PCSK5: variants seen among roughly 807,000 people sequenced by gnomAD.
PCSK5 encodes the protein proprotein convertase subtilisin/kexin type 5, also known as prohormone convertase 5.
Under a neutral mutation model 233.2 loss-of-function variants are expected in PCSK5, and 129 were observed. The ratio of observed to expected loss-of-function variants is 0.55; its 90% CI spans 0.48 to 0.64. The LOEUF is 0.64. Ranked by LOEUF, PCSK5 falls within the 30% of genes least tolerant of loss-of-function variation. PCSK5 has a pLI of 0.00. For synonymous variants in PCSK5, 825 were observed against 879.2 expected (o/e 0.94, Z 1.09); for missense variants, 2,076 against 2,430.1 (o/e 0.85, Z 3.06).
In PCSK5 at chr9:76,179,671, A is replaced by G; in HGVS notation, c.1976A>G (p.Tyr659Cys). Residue 659 changes from tyrosine to cysteine, a missense_variant, in exon 15 of 38, where the codon TAC (tyrosine) becomes TGC (cysteine). By Grantham distance (194) the Tyr-to-Cys change is radical. Coordinates refer to ENST00000674117, the MANE Select transcript of PCSK5 (RefSeq NM_001372043.1). ...GACCACTGCAATGACTGTTTGCACT[A>G]CTACTACAAGCTGAAAAACAATACC... ...GPDHCNDCLH[Y>C]YYKLKNNTRI... 3 of 1,612,574 alleles carry G rather than the reference A, an allele frequency of 1.9e-6. No individual in the cohort carries two copies. The highest frequency in any genetic ancestry group is 2.5e-6 in the Non-Finnish European group (3 of 1,178,700).
intron 2 of PCSK5, among the ~76,000 whole-genome samples, chr9:75,952,654 A>G (rs1824916505): frequency 6.6e-6 from 1 of 152,016 alleles, no homozygotes; most frequent in South Asian, 2.1e-4. Context: ...GCCACCATTG[A>G]TCTGCTTTCC....
intron 7 of PCSK5, among the ~76,000 whole-genome samples, chr9:76,083,474 A>G (rs1028003748): frequency 1.3e-5 from 2 of 152,212 alleles, no homozygotes; most frequent in African/African-American, 2.4e-5. Context: ...GCCATTGTCA[A>G]GGATGGTCAA....
chr9:76,211,039 T>G (rs3913045), intron 20 of PCSK5, among the ~76,000 whole-genome samples: 148,569 of 152,270 alleles, frequency 0.98, 72,511 homozygotes, highest in East Asian at 1. Flanking sequence ...AACATGGTAA[T>G]TTGGAGATAC....
intron 24 of PCSK5, among the ~76,000 whole-genome samples, chr9:76,242,190 A>G (rs1826450929): frequency 2.0e-5 from 3 of 152,192 alleles, no homozygotes; most frequent in African/African-American, 7.2e-5. Flanking sequence ...TAACTGGTAT[A>G]TCATCACCTC....
chr9:76,350,972 G>T (rs756327), intron 36 of PCSK5, 44 bp downstream of exon 36: 1 of 950,424 alleles, frequency 1.1e-6, no homozygotes, highest in East Asian at 2.5e-5. Flanking sequence ...CTTTCTAGAG[G>T]GAAACATGAG....
chr9:76,355,410 T>C (rs1830275666), intron 37 of PCSK5, among the ~76,000 whole-genome samples: 1 of 151,660 alleles, frequency 6.6e-6, no homozygotes, highest in South Asian at 2.1e-4. Context: ...GAGGCAGAGC[T>C]CGCAGTGAGC....
At chr9:75,943,493 T>C (rs1824414007) in intron 2 of PCSK5, among the ~76,000 whole-genome samples, 1 of 152,092 alleles carries the variant, frequency 6.6e-6, no homozygotes, top group Admixed American at 6.5e-5. Context: ...AGAAATCTAA[T>C]TGAAACACCA....
intron 7 of PCSK5, among the ~76,000 whole-genome samples, chr9:76,091,312 T>TGAGAGA (rs71992221): frequency 1.2e-4 from 18 of 150,142 alleles, no homozygotes; most frequent in Admixed American, 2.7e-4. Flanking sequence ...GCCTACAATC[T>TGAGAGA]GAGAGAGAGA....
chr9:76,096,283 G>A (rs1831511689), intron 8 of PCSK5, among the ~76,000 whole-genome samples, 181 bp downstream of exon 8: 1 of 152,126 alleles, frequency 6.6e-6, no homozygotes, highest in Admixed American at 6.5e-5. Flanking sequence ...ATTACCAATT[G>A]AAAATGCTTG....
At chr9:76,193,613 G>A (rs539383037) in intron 20 of PCSK5, 190 of 351,256 alleles carry the variant, frequency 5.4e-4, no homozygotes, top group African/African-American at 3.7e-3. Context: ...CAGAACCACA[G>A]AGACAGTATT....
At position 76,295,411 on chromosome 9, in the gene PCSK5, G is replaced by C; in HGVS notation, c.3322G>C (p.Gly1108Arg). ...GTGTGAAGAGGGCTTCTTTCTCTTA[G>C]GTAAGTTAGAAAATGGCACCATCCA... Reference protein sequence around the residue: ...YWCEEGFFLLGGSCVRKCGPG... With the variant: ...YWCEEGFFLLRGSCVRKCGPG... Residue 1108 changes from glycine (G) to arginine (R), a missense_variant and splice_region_variant, in exon 26 of 38, where the codon GGT becomes CGT. Transcript: ENST00000674117. 6.2e-7 allele frequency: 1 copy of C among 1,611,968 alleles called. No individual in the cohort carries two copies. Among genetic ancestry groups the C allele is most frequent in the South Asian group, 1.1e-5 (1 of 90,904 alleles).
In PCSK5 at chr9:75,891,091, G is replaced by GGCGGC; in HGVS notation, c.-91_-90insGCGGC. Reference sequence around the variant, plus strand: ...GAGCTGCGGCGGCCCGGGGCTGCTCGCCGGGCGGCGCAGGCCGGAGAAGTT... The same window carrying GGCGGC: ...GAGCTGCGGCGGCCCGGGGCTGCTCGGCGGCCCGGGCGGCGCAGGCCGGAGAAGTT... On this transcript the variant is annotated 5_prime_UTR_variant, in exon 1 of 38. Coordinates refer to ENST00000674117, the MANE Select transcript of PCSK5 (RefSeq NM_001372043.1). The GGCGGC allele has an allele frequency of 8.1e-7, 1 of 1,231,806 alleles. No homozygotes were observed. Among genetic ancestry groups the GGCGGC allele is most frequent in the Non-Finnish European group, 1.0e-6 (1 of 954,682 alleles). The allele number at this position is 1,231,806 out of a possible 1,614,324, so 76.3% of individuals were successfully genotyped here.
chr9:76,025,765 T>C (rs1293170786), intron 4 of PCSK5, among the ~76,000 whole-genome samples: 1 of 152,096 alleles, frequency 6.6e-6, no homozygotes, highest in Non-Finnish European at 1.5e-5. Flanking sequence ...GAAAAAGACA[T>C]AGGGCAGAAA....
At chr9:76,074,218 G>A (rs962684995) in intron 7 of PCSK5, among the ~76,000 whole-genome samples, 3 of 152,030 alleles carry the variant, frequency 2.0e-5, no homozygotes, top group Admixed American at 6.6e-5. Context: ...TGAACCTAAC[G>A]GTCTACCCTA....
At chr9:76,236,997 G>A (rs145426696) in intron 22 of PCSK5, among the ~76,000 whole-genome samples, 1 of 152,146 alleles carries the variant, frequency 6.6e-6, no homozygotes, top group South Asian at 2.1e-4. Context: ...GTCTTGTGAA[G>A]GTGCAGGGGA....
chr9:75,928,835 G>A (rs1823641271), intron 1 of PCSK5, among the ~76,000 whole-genome samples: 1 of 151,652 alleles, frequency 6.6e-6, no homozygotes, highest in African/African-American at 2.4e-5. Context: ...GCTGAAATTA[G>A]CCTTAATGTG....
At chr9:76,008,512 AG>A (rs1470827477) in intron 3 of PCSK5, among the ~76,000 whole-genome samples, 2 of 151,068 alleles carry the variant, frequency 1.3e-5, no homozygotes, top group Non-Finnish European at 2.9e-5. Flanking sequence ...CCCAGGCTGG[AG>A]TGCAGTGGCG....
chr9:76,018,421 G>A (rs1317393166), intron 3 of PCSK5, among the ~76,000 whole-genome samples: 1 of 151,438 alleles, frequency 6.6e-6, no homozygotes, highest in East Asian at 1.9e-4. Context: ...GAGCATTACC[G>A]CCTGAACTCC....
intron 1 of PCSK5, among the ~76,000 whole-genome samples, chr9:75,895,539 A>G (rs1489689602): frequency 1.3e-5 from 2 of 152,226 alleles, no homozygotes; most frequent in Non-Finnish European, 2.9e-5. Flanking sequence ...GTAATTTAAA[A>G]TATTAATAGT....
Sources: gnomAD v4.1 joint callset for allele counts (sites outside exome capture counted in the v4.1 genomes callset) on GRCh38, gnomAD v4.1.1 for gene constraint, MANE v1.5 for transcripts, NCBI Gene and HGNC (gene_info 2026-07-23, HGNC 2026-07-21) for gene names.